The following RTN4RL2 variants were observed in gnomAD, a reference collection of about 807,000 sequenced individuals.
RTN4RL2 encodes reticulon-4 receptor-like 2.
Under a neutral mutation model 27.8 loss-of-function variants are expected in RTN4RL2, and 9 were observed. The observed-to-expected ratio is 0.32, with a 90% CI of 0.20 to 0.57. The LOEUF (loss-of-function observed/expected upper bound fraction) is 0.57, where lower values mean the gene tolerates loss of function less well. Ranked by LOEUF, RTN4RL2 falls within the 20% of genes least tolerant of loss-of-function variation. The pLI is 0.90. For missense variants in RTN4RL2, 436 were observed against 596.8 expected (o/e 0.73, Z 2.81); for synonymous variants, 285 against 297.9 (o/e 0.96, Z 0.45).
chr11:57,476,084 C>A lies in RTN4RL2; in HGVS notation c.514-78C>A. On this transcript the variant is annotated intron_variant, in intron 2 of 2. Coordinates refer to ENST00000335099, the MANE Select transcript of RTN4RL2 (RefSeq NM_178570.3). This position sits in a 1 kb window ranked among gnomAD's most constrained non-coding sequence, Gnocchi z 8.2. ...GCCACGGTGCACCCCCTTCCCTCCCCCGGCCAAGGCCCCAGCGGGGTCTGC... is the reference window on the plus strand; with the variant it reads ...GCCACGGTGCACCCCCTTCCCTCCCACGGCCAAGGCCCCAGCGGGGTCTGC... 1 of 1,429,536 alleles carries A rather than the reference C, an allele frequency of 7.0e-7. No homozygotes were observed. The highest frequency in any genetic ancestry group is 9.5e-7 in the Non-Finnish European group (1 of 1,052,062). 88.6% of individuals were successfully genotyped at this position (1,429,536 alleles called of 1,614,324 possible).
rs764206743 is a variant in RTN4RL2, at chr11:57,468,067, G to A, written c.490G>A (p.Glu164Lys). ...LVSLQYLYLQ[E>K]NSLLHLQDDL... is the part of the protein sequence containing the mutation. ...CAGCCTGCAGTACCTCTACCTCCAG[G>A]AGAACAGCCTGCTCCACCTACAGGT... Residue 164 changes from glutamate (E) to lysine (K), a missense_variant, in exon 2 of 3, where the codon GAG becomes AAG. Coordinates refer to ENST00000335099, the MANE Select transcript of RTN4RL2 (RefSeq NM_178570.3). The A allele has an allele frequency of 6.3e-7, 1 of 1,596,628 alleles. No homozygotes were observed. The highest frequency in any genetic ancestry group is 8.5e-7 in the Non-Finnish European group (1 of 1,177,864).
chr11:57,468,586 A>G (rs1287120172), intron 2 of RTN4RL2: 37 of 1,536,540 alleles, frequency 2.4e-5, no homozygotes, highest in Non-Finnish European at 3.2e-5. Flanking sequence ...AGGCCTTTGC[A>G]GCTGTTTTTC....
At chr11:57,464,125 G>A (rs1015305451) in intron 1 of RTN4RL2, among the ~76,000 whole-genome samples, 2 of 152,258 alleles carry the variant, frequency 1.3e-5, no homozygotes, top group Non-Finnish European at 2.9e-5. Flanking sequence ...CCACTATCAT[G>A]GGCTGGGGGA....
chr11:57,469,060 G>A (rs1052631789), intron 2 of RTN4RL2, among the ~76,000 whole-genome samples: 1 of 152,120 alleles, frequency 6.6e-6, no homozygotes, highest in Non-Finnish European at 1.5e-5. Context: ...AACCTGGAAC[G>A]TGCTTCCTCT....
chr11:57,474,683 TCTC>T (rs1258711063), intron 2 of RTN4RL2, among the ~76,000 whole-genome samples: 4 of 152,298 alleles, frequency 2.6e-5, no homozygotes, highest in Admixed American at 1.3e-4. Flanking sequence ...GCCCCAGTGC[TCTC>T]CTCTAAAAAA....
At position 57,477,086 on chromosome 11, in the gene RTN4RL2, T is replaced by C; in HGVS notation, c.*175T>C. On this transcript the variant is annotated 3_prime_UTR_variant, in exon 3 of 3. Coordinates refer to ENST00000335099, the MANE Select transcript of RTN4RL2 (RefSeq NM_178570.3). The stretch of plus-strand genomic sequence containing the variant: ...CTCTCCTTGCCTGCCCCCTGGGCTG[T>C]CCTGACTTGTGGCAGCCCCAAGAGG... 1.7e-6 allele frequency: 1 copy of C among 589,750 alleles called. No homozygotes were observed. The highest frequency in any genetic ancestry group is 2.8e-6 in the Non-Finnish European group (1 of 361,180). The allele number at this position is 589,750 out of a possible 1,614,324, so 36.5% of individuals were successfully genotyped here.
Position 57,476,427 on chromosome 11 carries a change from C to A in RTN4RL2, c.779C>A (p.Ala260Asp). The change falls in exon 3 of 3, where the codon GCT becomes GAT. Residue 260 changes from alanine to aspartate, a missense_variant. Ala to Asp is a moderately radical substitution (Grantham distance 126, BLOSUM62 -2). Around this residue, in one of 3 missense-constraint regions of RTN4RL2, gnomAD observed 365 missense variants for 530.5 expected, o/e 0.69. Transcript: ENST00000335099. This position sits in a 1 kb window ranked among gnomAD's most constrained non-coding sequence, Gnocchi z 8.2. ...TCGCTCGAGTTCCTGCGGCTCAACG[C>A]TAACCCCTGGGCGTGCGACTGCCGC... ...LPSLEFLRLN[A>D]NPWACDCRAR... 2 of 1,595,302 alleles carry A rather than the reference C, an allele frequency of 1.3e-6. No individual in the cohort carries two copies. The highest frequency in any genetic ancestry group is 1.7e-6 in the Non-Finnish European group (2 of 1,176,796).
At position 57,476,960 on chromosome 11, in the gene RTN4RL2, C is replaced by T. The variant is rs1483280777; in HGVS notation, c.*49C>T. Reference sequence around the variant, plus strand: ...CCAGTGTCCGATCCCCGCTTCCCGTCCACCCGGGGCTGCGGCTCCGGCCCC... The same window carrying T: ...CCAGTGTCCGATCCCCGCTTCCCGTTCACCCGGGGCTGCGGCTCCGGCCCC... On this transcript the variant is annotated 3_prime_UTR_variant, in exon 3 of 3. Coordinates refer to ENST00000335099, the MANE Select transcript of RTN4RL2 (RefSeq NM_178570.3). This position sits in a 1 kb window ranked among gnomAD's most constrained non-coding sequence, Gnocchi z 8.2. The T allele has an allele frequency of 3.4e-6, 5 of 1,492,310 alleles. No homozygotes were observed. The highest frequency in any genetic ancestry group is 4.4e-6 in the Non-Finnish European group (5 of 1,127,048). The allele number at this position is 1,492,310 out of a possible 1,614,324, so 92.4% of individuals were successfully genotyped here. A position where few individuals can be genotyped will look rare whatever the true frequency, so the allele number is the denominator to read the frequency against.
At chr11:57,464,382 C>T (rs891338187) in intron 1 of RTN4RL2, among the ~76,000 whole-genome samples, 7 of 152,270 alleles carry the variant, frequency 4.6e-5, no homozygotes, top group South Asian at 2.1e-4. Context: ...GCGGTCAGTC[C>T]GGAGGCTGGG....
chr11:57,461,692 T>C (rs1194172552), intron 1 of RTN4RL2, among the ~76,000 whole-genome samples: 1 of 150,382 alleles, frequency 6.6e-6, no homozygotes, highest in Non-Finnish European at 1.5e-5. Flanking sequence ...GGGATGGAGG[T>C]AGCGGGAAAG....
chr11:57,476,940 GT>G lies in RTN4RL2; in HGVS notation c.*30del. 1 of 1,521,584 alleles carries G rather than the reference GT, an allele frequency of 6.6e-7. No homozygotes were observed. The highest frequency in any genetic ancestry group is 1.2e-5 in the South Asian group (1 of 82,266). The allele number at this position is 1,521,584 out of a possible 1,614,324, so 94.3% of individuals were successfully genotyped here. The stretch of plus-strand genomic sequence containing the variant: ...CGGTGCTGAGATCGAAGAGGCCAGT[GT>G]CCGATCCCCGCTTCCCGTCCACCCG... On this transcript the variant is annotated 3_prime_UTR_variant, in exon 3 of 3. Transcript: ENST00000335099. The surrounding 1 kb of genome is among the most constrained non-coding windows in gnomAD (Gnocchi z 8.2).
At chr11:57,471,021 A>G (rs1943559896) in intron 2 of RTN4RL2, among the ~76,000 whole-genome samples, 1 of 152,050 alleles carries the variant, frequency 6.6e-6, no homozygotes, top group Non-Finnish European at 1.5e-5. Context: ...GGATCACTTG[A>G]AGTCAGGAGT....
Position 57,477,055 on chromosome 11 carries a change from G to GA in RTN4RL2, c.*144_*145insA. On this transcript the variant is annotated 3_prime_UTR_variant, in exon 3 of 3. Coordinates refer to ENST00000335099, the MANE Select transcript of RTN4RL2 (RefSeq NM_178570.3). ...CAGCTCCTCTCCTCCCCGGGGAGCAGGCCGCCTCTCCTTGCCTGCCCCCTG... is the reference window on the plus strand; with the variant it reads ...CAGCTCCTCTCCTCCCCGGGGAGCAGAGCCGCCTCTCCTTGCCTGCCCCCTG... 1.2e-6 allele frequency: 1 copy of GA among 827,418 alleles called. No homozygotes were observed. Among genetic ancestry groups the GA allele is most frequent in the South Asian group, 2.0e-5 (1 of 50,784 alleles). The allele number at this position is 827,418 out of a possible 1,614,324, so 51.3% of individuals were successfully genotyped here. A position where few individuals can be genotyped will look rare whatever the true frequency, so the allele number is the denominator to read the frequency against.
At chr11:57,463,586 C>T (rs1269540288) in intron 1 of RTN4RL2, among the ~76,000 whole-genome samples, 1 of 151,938 alleles carries the variant, frequency 6.6e-6, no homozygotes, top group Non-Finnish European at 1.5e-5. Context: ...AGGTGGCCAC[C>T]GAGGTATCCC....
intron 1 of RTN4RL2, among the ~76,000 whole-genome samples, chr11:57,466,952 T>C (rs909617520): frequency 6.6e-6 from 1 of 152,216 alleles, no homozygotes; most frequent in Non-Finnish European, 1.5e-5. Flanking sequence ...CAACTGTCAA[T>C]ACTGAGGCAG....
intron 1 of RTN4RL2, among the ~76,000 whole-genome samples, chr11:57,463,813 C>T (rs1028470996): frequency 6.6e-6 from 1 of 151,664 alleles, no homozygotes; most frequent in African/African-American, 2.4e-5. Flanking sequence ...GGACTGAGGG[C>T]GGGGGAGAGA....
chr11:57,471,595 G>A (rs566461948), intron 2 of RTN4RL2, among the ~76,000 whole-genome samples: 1 of 152,366 alleles, frequency 6.6e-6, no homozygotes, highest in Admixed American at 6.5e-5. Flanking sequence ...GCAGGGTGCA[G>A]GTGTGACCCA....
At chr11:57,468,541 G>A (rs921096851) in intron 2 of RTN4RL2, 1 of 1,535,940 alleles carries the variant, frequency 6.5e-7, no homozygotes, top group Non-Finnish European at 8.7e-7. Flanking sequence ...TTTGCCTTCA[G>A]GGCACTCTGC....
intron 2 of RTN4RL2, among the ~76,000 whole-genome samples, chr11:57,472,875 G>A (rs1024080588): frequency 1.3e-5 from 2 of 152,210 alleles, no homozygotes; most frequent in Admixed American, 1.3e-4. Context: ...TCTGACTCCA[G>A]AGTGCAGTTG....
Sources: gnomAD v4.1 joint callset for allele counts (sites outside exome capture counted in the v4.1 genomes callset) on GRCh38, gnomAD v4.1.1 for gene constraint, gnomAD v4.1.1 regional missense constraint, Gnocchi (gnomAD v3.1) non-coding constraint, MANE v1.5 for transcripts, NCBI Gene and HGNC (gene_info 2026-07-23, HGNC 2026-07-21) for gene names.